CSRNP3: variants seen among roughly 807,000 people sequenced by gnomAD.
The protein encoded by CSRNP3 is cysteine/serine-rich nuclear protein 3.
CSRNP3 carries 12 observed loss-of-function variants against 48.0 expected under a neutral mutation model. The ratio of observed to expected loss-of-function variants is 0.25; its 90% CI spans 0.16 to 0.41. The LOEUF is 0.41. Ranked by LOEUF, CSRNP3 falls within the 10% of genes least tolerant of loss-of-function variation. The pLI, the probability that CSRNP3 is intolerant of heterozygous loss-of-function variation, is 1.00. For synonymous variants in CSRNP3, 263 were observed against 269.7 expected (o/e 0.98, Z 0.24); for missense variants, 580 against 724.4 (o/e 0.80, Z 2.29).
At chr2:165,635,080 G>A (rs1027941532) in intron 4 of CSRNP3, among the ~76,000 whole-genome samples, 1 of 152,188 alleles carries the variant, frequency 6.6e-6, no homozygotes, top group Non-Finnish European at 1.5e-5. Flanking sequence ...TCTCAGCTGA[G>A]GGAGCTGATT....
intron 5 of CSRNP3, among the ~76,000 whole-genome samples, chr2:165,660,263 T>C (rs991897862): frequency 3.9e-5 from 6 of 152,226 alleles, no homozygotes; most frequent in Non-Finnish European, 8.8e-5. Context: ...TTTATGAACA[T>C]GATTTAATGT....
chr2:165,518,129 G>T (rs1684605036), intron 3 of CSRNP3, among the ~76,000 whole-genome samples, 168 bp downstream of exon 3: 1 of 151,894 alleles, frequency 6.6e-6, no homozygotes, highest in Non-Finnish European at 1.5e-5. Context: ...CAGACATACA[G>T]TATTTAGTTT....
At chr2:165,594,683 A>G (rs895638214) in intron 3 of CSRNP3, among the ~76,000 whole-genome samples, 4 of 152,222 alleles carry the variant, frequency 2.6e-5, no homozygotes, top group African/African-American at 9.6e-5. Context: ...TGAATTTCAT[A>G]TAATGTTGTA....
intron 5 of CSRNP3, among the ~76,000 whole-genome samples, chr2:165,668,691 C>T (rs1000489047): frequency 6.6e-6 from 1 of 152,088 alleles, no homozygotes; most frequent in South Asian, 2.1e-4. Flanking sequence ...TCAGCCACCA[C>T]GCCCAGCCCA....
At chr2:165,576,714 T>C (rs1023378040) in intron 3 of CSRNP3, among the ~76,000 whole-genome samples, 2 of 152,014 alleles carry the variant, frequency 1.3e-5, no homozygotes, top group Admixed American at 1.3e-4. Flanking sequence ...CTCAGCAGCA[T>C]ATACACAGTA....
At chr2:165,626,224 G>GAA (rs568394048) in intron 4 of CSRNP3, among the ~76,000 whole-genome samples, 2 of 134,252 alleles carry the variant, frequency 1.5e-5, no homozygotes, top group African/African-American at 5.5e-5. Flanking sequence ...CTCCTTCTCA[G>GAA]AAAAAAAAAA....
intron 5 of CSRNP3, among the ~76,000 whole-genome samples, chr2:165,665,160 A>C (rs369483372): frequency 6.6e-6 from 1 of 152,194 alleles, no homozygotes; most frequent in African/African-American, 2.4e-5. Flanking sequence ...GCTATCCTCA[A>C]GAGTAAAAGG....
intron 3 of CSRNP3, among the ~76,000 whole-genome samples, chr2:165,560,751 C>G (rs1395781017): frequency 6.6e-6 from 1 of 152,214 alleles, no homozygotes; most frequent in Non-Finnish European, 1.5e-5. Flanking sequence ...CTCAAAATAT[C>G]TATGTATAAT....
At chr2:165,598,626 A>T (rs1685849910) in intron 4 of CSRNP3, among the ~76,000 whole-genome samples, 1 of 152,132 alleles carries the variant, frequency 6.6e-6, no homozygotes, top group Non-Finnish European at 1.5e-5. Flanking sequence ...TTCAGCCGAG[A>T]TTATTTTTTT....
intron 4 of CSRNP3, among the ~76,000 whole-genome samples, chr2:165,636,717 A>G (rs953242846): frequency 6.6e-6 from 1 of 152,246 alleles, no homozygotes; most frequent in Non-Finnish European, 1.5e-5. Context: ...GCAAAACTTA[A>G]TTCTAACAAA....
intron 1 of CSRNP3, among the ~76,000 whole-genome samples, chr2:165,491,827 C>A (rs1437602923): frequency 3.1e-5 from 4 of 128,162 alleles, no homozygotes; most frequent in African/African-American, 1.2e-4. Flanking sequence ...GGAGGGATAG[C>A]ATTGGGAGAT....
intron 3 of CSRNP3, 136 bp from the exon 4 acceptor site, chr2:165,594,907 T>C (rs1390443796): frequency 1.4e-5 from 8 of 553,340 alleles, no homozygotes; most frequent in East Asian, 3.0e-5. Flanking sequence ...AAAAAAAATC[T>C]GCTAAAGATC....
At chr2:165,670,828 T>G (rs1451472016) in intron 5 of CSRNP3, among the ~76,000 whole-genome samples, 1 of 131,200 alleles carries the variant, frequency 7.6e-6, no homozygotes, top group Non-Finnish European at 1.7e-5. Context: ...TCAAGGCTAT[T>G]TGGTAATCTC....
intron 1 of CSRNP3, among the ~76,000 whole-genome samples, chr2:165,486,189 CACCTGGA>C (rs1684112624): frequency 6.6e-6 from 1 of 152,164 alleles, no homozygotes; most frequent in Non-Finnish European, 1.5e-5. Context: ...GTGACGGACG[CACCTGGA>C]AAATCGGGTC....
At chr2:165,656,422 C>A (rs557104144) in intron 4 of CSRNP3, among the ~76,000 whole-genome samples, 1 of 151,880 alleles carries the variant, frequency 6.6e-6, no homozygotes, top group Admixed American at 6.6e-5. Context: ...ATCATTACCA[C>A]AAAAAAATCA....
intron 3 of CSRNP3, chr2:165,574,458 G>T (rs1199559622): frequency 6.7e-7 from 1 of 1,492,668 alleles, no homozygotes; most frequent in Non-Finnish European, 9.1e-7. Flanking sequence ...TGATGCGCCT[G>T]ATTTTATTTC....
At chr2:165,574,018 C>G (rs1254759336) in intron 3 of CSRNP3, 5 of 222,614 alleles carry the variant, frequency 2.2e-5, no homozygotes, top group Non-Finnish European at 4.4e-5. Flanking sequence ...GACTCTAAAA[C>G]AAAGCGTTAA....
At chr2:165,566,142 GACT>G (rs1455625228) in intron 3 of CSRNP3, among the ~76,000 whole-genome samples, 1 of 151,844 alleles carries the variant, frequency 6.6e-6, no homozygotes, top group Non-Finnish European at 1.5e-5. Context: ...TACCTTGTAT[GACT>G]ACAGACAGAC....
chr2:165,609,510 C>G (rs1216397974), intron 4 of CSRNP3, among the ~76,000 whole-genome samples: 2 of 144,448 alleles, frequency 1.4e-5, no homozygotes, highest in African/African-American at 5.0e-5. Context: ...TGTAATATCC[C>G]CCACCTTTGG....
Sources: allele counts gnomAD v4.1 joint callset (sites outside exome capture counted in the v4.1 genomes callset), GRCh38; gene constraint gnomAD v4.1.1; transcripts MANE v1.5; gene names NCBI Gene and HGNC (gene_info 2026-07-23, HGNC 2026-07-21).